The following STK32A variants were observed in gnomAD, a reference collection of about 807,000 sequenced individuals.
The protein encoded by STK32A is serine/threonine-protein kinase 32A.
In STK32A, 41 loss-of-function variants were observed where a neutral mutation model predicts 53.2. The observed-to-expected ratio is 0.77, with a 90% confidence interval of 0.60 to 1.00. The LOEUF (loss-of-function observed/expected upper bound fraction) is 1.00, where lower values mean the gene tolerates loss of function less well. Ranked by LOEUF, STK32A falls within the 50% of genes least tolerant of loss-of-function variation. STK32A has a pLI of 0.00. For synonymous variants in STK32A, 166 were observed against 162.8 expected (o/e 1.02, Z -0.15); for missense variants, 458 against 485.8 (o/e 0.94, Z 0.54).
intron 4 of STK32A, among the ~76,000 whole-genome samples, chr5:147,315,472 A>G (rs79772038): frequency 0.062 from 9,372 of 152,282 alleles, 519 homozygotes; most frequent in East Asian, 0.22. Flanking sequence ...TAATCCAGAC[A>G]CAAAAGGACC....
intron 11 of STK32A, 47 bp from the exon 12 acceptor site, chr5:147,383,394 T>C: frequency 2.0e-6 from 3 of 1,492,420 alleles, no homozygotes; most frequent in Non-Finnish European, 2.7e-6. Flanking sequence ...AGATTCTCAT[T>C]TGTCTGCTAA....
intron 5 of STK32A, among the ~76,000 whole-genome samples, chr5:147,332,349 T>C (rs1459868658): frequency 4.1e-5 from 5 of 121,432 alleles, no homozygotes; most frequent in African/African-American, 2.0e-4. Flanking sequence ...ATCTGTAGGC[T>C]TTTTTTTTTT....
intron 5 of STK32A, among the ~76,000 whole-genome samples, chr5:147,327,368 A>C (rs1195538094): frequency 2.0e-5 from 3 of 152,242 alleles, no homozygotes; most frequent in Non-Finnish European, 4.4e-5. Flanking sequence ...TAGATTGTAA[A>C]ATATGTGCTG....
At chr5:147,363,941 T>C (rs11953116) in intron 8 of STK32A, among the ~76,000 whole-genome samples, 6,878 of 152,238 alleles carry the variant, frequency 0.045, 513 homozygotes, top group African/African-American at 0.16. Flanking sequence ...GCTGGCCTGG[T>C]GCAGTGGCTC....
the STK32A span, among the ~76,000 whole-genome samples, chr5:147,394,545 A>G: frequency 6.6e-6 from 1 of 152,202 alleles, no homozygotes. Context: ...CACTTGCCCA[A>G]GATCCCACAG....
chr5:147,352,318 G>T (rs1049497247), intron 7 of STK32A, among the ~76,000 whole-genome samples: 4 of 152,204 alleles, frequency 2.6e-5, no homozygotes, highest in African/African-American at 9.7e-5. Flanking sequence ...TGAGGAACTG[G>T]TTTTTGCCTT....
chr5:147,292,248 C>T (rs1199210283), intron 4 of STK32A, among the ~76,000 whole-genome samples: 4 of 152,202 alleles, frequency 2.6e-5, no homozygotes, highest in African/African-American at 9.7e-5. Flanking sequence ...TTGGTCATAT[C>T]TGAAAGTATG....
At chr5:147,271,347 T>C (rs1408300113) in intron 2 of STK32A, among the ~76,000 whole-genome samples, 3 of 152,146 alleles carry the variant, frequency 2.0e-5, no homozygotes, top group Admixed American at 6.5e-5. Context: ...AATCCTGTCA[T>C]CTCGTAAGCT....
At chr5:147,256,434 T>C (rs944724262) in intron 2 of STK32A, among the ~76,000 whole-genome samples, 3 of 152,260 alleles carry the variant, frequency 2.0e-5, no homozygotes, top group African/African-American at 2.4e-5. Flanking sequence ...GAATACTTGA[T>C]CCATTCTAAC....
chr5:147,267,940 T>G (rs949407158), intron 2 of STK32A, among the ~76,000 whole-genome samples: 7 of 152,158 alleles, frequency 4.6e-5, no homozygotes, highest in Non-Finnish European at 8.8e-5. Context: ...ACCTTAGAAC[T>G]CCTATAAACA....
intron 2 of STK32A, among the ~76,000 whole-genome samples, chr5:147,251,680 A>G (rs889736809): frequency 2.6e-5 from 4 of 152,218 alleles, no homozygotes; most frequent in Non-Finnish European, 5.9e-5. Context: ...TCAGAGAGCT[A>G]AAAACAATTT....
At chr5:147,379,123 T>C (rs559849192) in intron 11 of STK32A, among the ~76,000 whole-genome samples, 1 of 151,830 alleles carries the variant, frequency 6.6e-6, no homozygotes, top group Admixed American at 6.6e-5. Context: ...TATTTCTCCT[T>C]GAAGAGGTCC....
At chr5:147,236,180 C>A (rs1379616903) in intron 1 of STK32A, among the ~76,000 whole-genome samples, 1 of 152,112 alleles carries the variant, frequency 6.6e-6, no homozygotes, top group Non-Finnish European at 1.5e-5. Flanking sequence ...TGACAACCCC[C>A]AAATTACAGG....
the STK32A span, chr5:147,400,971 A>T: frequency 8.6e-7 from 1 of 1,164,144 alleles, no homozygotes; most frequent in South Asian, 1.9e-5. Flanking sequence ...CTTACTAGAT[A>T]TATGAGCTTG....
chr5:147,292,642 G>A (rs575688486), intron 4 of STK32A, among the ~76,000 whole-genome samples: 1 of 152,330 alleles, frequency 6.6e-6, no homozygotes, highest in Non-Finnish European at 1.5e-5. Context: ...GCCAAGGCAG[G>A]TGGATCACCT....
intron 4 of STK32A, among the ~76,000 whole-genome samples, chr5:147,323,259 T>C (rs1003352463): frequency 4.6e-5 from 7 of 152,164 alleles, no homozygotes; most frequent in African/African-American, 1.7e-4. Flanking sequence ...TAGCGTTATT[T>C]TTCAGTTATT....
chr5:147,350,984 G>T, intron 6 of STK32A, 81 bp from the exon 7 acceptor site: 1 of 1,153,328 alleles, frequency 8.7e-7, no homozygotes, highest in East Asian at 2.4e-5. Flanking sequence ...CAGACTAATT[G>T]GGTGTTTTCA....
In STK32A at chr5:147,379,212, G is replaced by C. The variant is rs1422257644; in HGVS notation, c.1032+3994G>C. Among the ~76,000 whole-genome samples the C allele has an allele frequency of 2.0e-5, 3 of 151,530 alleles. No homozygotes were observed. In the East Asian group the frequency reaches 5.9e-4, roughly 30 times the overall value. On this transcript the variant is annotated intron_variant, in intron 11 of 12. Coordinates refer to ENST00000397936, the MANE Select transcript of STK32A (RefSeq NM_001112724.2). ...GTGAATGGGAGTTCATTCATGATTTGTCTCTCTGCTTGCCTGTTGTTGGTG... is the reference window on the plus strand; with the variant it reads ...GTGAATGGGAGTTCATTCATGATTTCTCTCTCTGCTTGCCTGTTGTTGGTG...
chr5:147,245,418 A>C (rs561885251), intron 2 of STK32A, among the ~76,000 whole-genome samples: 129 of 152,258 alleles, frequency 8.5e-4, no homozygotes, highest in African/African-American at 2.9e-3. Context: ...ACCTTTTTTA[A>C]AAAATCTACT....
Sources: gnomAD v4.1 joint callset for allele counts (sites outside exome capture counted in the v4.1 genomes callset) on GRCh38, gnomAD v4.1.1 for gene constraint, MANE v1.5 for transcripts, NCBI Gene and HGNC (gene_info 2026-07-23, HGNC 2026-07-21) for gene names.